TTN: variants seen among roughly 807,000 people sequenced by gnomAD.
The protein encoded by TTN is connectin.
Under a neutral mutation model 3,223.0 loss-of-function variants are expected in TTN, and 1,525 were observed. That is an observed-to-expected ratio of 0.47 (90% CI 0.45 to 0.49). The LOEUF is 0.49. TTN is among the 20% of genes least tolerant of loss of function. TTN has a pLI of 0.00. For synonymous variants in TTN, 14,094 were observed against 15,161.0 expected (o/e 0.93, Z 5.17); for missense variants, 40,786 against 43,424.0 (o/e 0.94, Z 5.40).
chr2:178,671,237 G>A (rs912034332), intron 155 of TTN, 67 bp from the exon 156 acceptor site: 25 of 1,169,266 alleles, frequency 2.1e-5, no homozygotes, highest in Admixed American at 6.3e-5. Context: ...TACTACTAAC[G>A]TTAGTACAAT....
At position 178,675,072 on chromosome 2, in the gene TTN, G is replaced by T; in HGVS notation, c.34579C>A (p.Leu11527Ile). ...GGTAGAACTTCCTCTTCTTTAGGGA[G>T]AATGATTCGTTTTTCTTCCACCTTC... ...PKKVEEKRII[L>I]PKEEEVLPVE... Residue 11527 changes from leucine to isoleucine, a missense_variant, in exon 150 of 363, where the codon CTC becomes ATC. Coordinates refer to ENST00000589042, the MANE Select transcript of TTN (RefSeq NM_001267550.2). 6.4e-7 allele frequency: 1 copy of T among 1,555,064 alleles called. No individual in the cohort carries two copies. Among genetic ancestry groups the T allele is most frequent in the Non-Finnish European group, 8.6e-7 (1 of 1,157,088 alleles).
At chr2:178,632,087 A>G in intron 236 of TTN, 60 bp downstream of exon 236, 7 of 1,475,710 alleles carry the variant, frequency 4.7e-6, no homozygotes, top group Non-Finnish European at 6.3e-6. Flanking sequence ...TATAGAATAG[A>G]TACTCCACAA....
In TTN at chr2:178,738,117, C is replaced by T; in HGVS notation, c.14336G>A (p.Gly4779Asp). The change falls in exon 49 of 363, where the codon GGC becomes GAC. Residue 4779 changes from glycine (G) to aspartate (D), a missense_variant. By Grantham distance (94) the Gly-to-Asp change is moderately conservative. Transcript: ENST00000589042. ...EYTCKASNEY[G>D]SVSCTATLTV... ...TAGTGTGGCTGTACAGCTGACACTG[C>T]CATACTCATTGGAAGCTTTGCATGT... 6.2e-7 allele frequency: 1 copy of T among 1,613,760 alleles called. No individual in the cohort carries two copies.
rs753485630 is a variant in TTN at position 178,732,622 on chromosome 2, G to T, written c.16439C>A (p.Thr5480Lys). The change falls in exon 56 of 363, where the codon ACA becomes AAA. Residue 5480 changes from threonine to lysine, a missense_variant. Coordinates refer to ENST00000589042, the MANE Select transcript of TTN (RefSeq NM_001267550.2). ...TTTGTTGCCCTTAAACCATCTGATT[G>T]TGAGAGGAGTAGATCCTTGGAAAGT... The part of the protein sequence containing the change: ...KSTFQGSTPL[T>K]IRWFKGNKEL... 8 of 1,613,548 alleles carry T rather than the reference G, an allele frequency of 5.0e-6. No individual in the cohort carries two copies. In the East Asian group the frequency reaches 1.3e-4, roughly 27 times the overall value.
At position 178,655,269 on chromosome 2, in the gene TTN, T is replaced by C. The variant is rs1229563734; in HGVS notation, c.38039-274A>G. 5.7e-5 allele frequency among the ~76,000 whole-genome samples: 8 copies of C among 139,560 alleles called. 2 individuals carry two copies. Among genetic ancestry groups the C allele is most frequent in the Non-Finnish European group, 1.2e-4 (8 of 66,998 alleles). The allele number at this position is 139,560 out of a possible 152,430, so 91.6% of individuals were successfully genotyped here. A position where few individuals can be genotyped will look rare whatever the true frequency, so the allele number is the denominator to read the frequency against. On this transcript the variant is annotated intron_variant, in intron 189 of 362. Coordinates refer to ENST00000589042, the MANE Select transcript of TTN (RefSeq NM_001267550.2). Reference sequence around the variant, plus strand: ...TAAAGACTCTCAATAAATTAGGTATTGATGGGACATATCTCAAAATAATAA... The same window carrying C: ...TAAAGACTCTCAATAAATTAGGTATCGATGGGACATATCTCAAAATAATAA...
intron 116 of TTN, 59 bp from the exon 117 acceptor site, chr2:178,694,735 TA>T: frequency 6.7e-7 from 1 of 1,502,770 alleles, no homozygotes; most frequent in Non-Finnish European, 9.0e-7. Flanking sequence ...GCACAAAATT[TA>T]AAAGTATTTG....
chr2:178,733,710 T>A lies in TTN; in HGVS notation c.15679A>T (p.Ile5227Phe). The change falls in exon 53 of 363, where the codon ATC becomes TTC. Residue 5227 changes from isoleucine (I) to phenylalanine (F), a missense_variant. Transcript: ENST00000589042. ...SFSNGVAVLI[I>F]PDVQISFGGK... Reference sequence around the variant, plus strand: ...CCAAAACTAATCTGAACATCAGGGATTATCAAGACTGCAACACCATTGGAA... The same window carrying A: ...CCAAAACTAATCTGAACATCAGGGAATATCAAGACTGCAACACCATTGGAA... The A allele has an allele frequency of 6.2e-7, 1 of 1,613,880 alleles. No individual in the cohort carries two copies. Among genetic ancestry groups the A allele is most frequent in the East Asian group, 2.2e-5 (1 of 44,870 alleles).
intron 166 of TTN, 48 bp from the exon 167 acceptor site, chr2:178,664,785 G>A (rs1409752107): frequency 2.5e-6 from 4 of 1,610,028 alleles, no homozygotes; most frequent in Non-Finnish European, 3.4e-6. Flanking sequence ...AGATAACTAG[G>A]AATAGCAAAA....
In TTN at chr2:178,620,871, T is replaced by C. The variant is rs373857517; in HGVS notation, c.45739A>G (p.Ile15247Val). Reference sequence around the variant, plus strand: ...ATGATGTATTTTGAACTATCAAATATAGCTTCTTCATTTCTGAACCATTTG... The same window carrying C: ...ATGATGTATTTTGAACTATCAAATACAGCTTCTTCATTTCTGAACCATTTG... ...KAKWFRNEEA[I>V]FDSSKYIILQ... Residue 15247 changes from isoleucine to valine, a missense_variant, in exon 247 of 363, where the codon ATA (isoleucine) becomes GTA (valine). Transcript: ENST00000589042. 4 of 1,612,508 alleles carry C rather than the reference T, an allele frequency of 2.5e-6. No homozygotes were observed. In the African/African-American group the frequency reaches 5.3e-5, roughly 22 times the overall value.
At chr2:178,744,862 G>C (rs1448914782) in intron 47 of TTN, 2 of 985,024 alleles carry the variant, frequency 2.0e-6, no homozygotes, top group Admixed American at 1.2e-4. Flanking sequence ...AAAGTGGAAA[G>C]ATCTATTTGC....
At chr2:178,622,636 G>T in intron 243 of TTN, 34 bp downstream of exon 243, 1 of 1,520,790 alleles carries the variant, frequency 6.6e-7, no homozygotes, top group South Asian at 1.2e-5. Context: ...AAAGTTATTT[G>T]ACAGTACAAG....
Position 178,728,704 on chromosome 2 carries a change from C to T in TTN, c.19222G>A (p.Val6408Met), listed in dbSNP as rs2154306642. The T allele has an allele frequency of 6.2e-7, 1 of 1,613,192 alleles. No individual in the cohort carries two copies. Residue 6408 changes from valine to methionine, a missense_variant, in exon 66 of 363, where the codon GTG (valine) becomes ATG (methionine). Coordinates refer to ENST00000589042, the MANE Select transcript of TTN (RefSeq NM_001267550.2). ...EKDPMTLECV[V>M]AGTPELKVKW... ...ACTTTGAGTTCTGGTGTTCCAGCCA[C>T]AACACATTCCAAGGTCATGGGATCT...
chr2:178,753,130 T>C lies in TTN; in HGVS notation c.11305A>G (p.Met3769Val), dbSNP rs757156412. 13 of 1,609,390 alleles carry C rather than the reference T, an allele frequency of 8.1e-6. No homozygotes were observed. The highest frequency in any genetic ancestry group is 1.7e-4 in the Middle Eastern group (1 of 6,040). ...ERIEQEIEME[M>V]KEFSSSFLSA... Reference sequence around the variant, plus strand: ...ACATCCATTATAACAATACCTTTCATTTCCATCTCAATCTCTTGTTCAATC... The same window carrying C: ...ACATCCATTATAACAATACCTTTCACTTCCATCTCAATCTCTTGTTCAATC... The change falls in exon 47 of 363, where the codon ATG becomes GTG. Residue 3769 changes from methionine (M) to valine (V), a missense_variant. Coordinates refer to ENST00000589042, the MANE Select transcript of TTN (RefSeq NM_001267550.2).
Position 178,614,695 on chromosome 2 carries a change from C to T in TTN, c.48819G>A (p.Gly16273=), listed in dbSNP as rs2056976661. 8.1e-6 allele frequency: 13 copies of T among 1,612,040 alleles called. No individual in the cohort carries two copies. The highest frequency in any genetic ancestry group is 1.0e-5 in the Non-Finnish European group (12 of 1,178,956). Residue 16273 remains glycine (G), a synonymous_variant, in exon 261 of 363, where the codon GGG becomes GGA. Coordinates refer to ENST00000589042, the MANE Select transcript of TTN (RefSeq NM_001267550.2). ...KLLAGLTVKA[G]TKIELPATVT... is the part of the protein sequence containing the mutation. ...CGGTGGCAGGAAGTTCAATCTTGGT[C>T]CCAGCTTTTACAGTGAGACCAGCAA...
intron 149 of TTN, 99 bp downstream of exon 149, chr2:178,675,572 G>C: frequency 1.1e-6 from 1 of 939,576 alleles, no homozygotes; most frequent in Non-Finnish European, 1.4e-6. Context: ...GTGAATGACA[G>C]ACCATACAAT....
In TTN at chr2:178,734,799, G is replaced by C; in HGVS notation, c.15125C>G (p.Thr5042Arg). 1 of 1,613,746 alleles carries C rather than the reference G, an allele frequency of 6.2e-7. No homozygotes were observed. Among genetic ancestry groups the C allele is most frequent in the Non-Finnish European group, 8.5e-7 (1 of 1,179,768 alleles). The part of the protein sequence containing the change: ...FVNSEAILDI[T>R]DVKVEDSGSY... ...CCCACTGTCTTCAACTTTTACATCCGTAATATCAAGTATAGCCTCAGAATT... is the reference window on the plus strand; with the variant it reads ...CCCACTGTCTTCAACTTTTACATCCCTAATATCAAGTATAGCCTCAGAATT... The change falls in exon 51 of 363, where the codon ACG becomes AGG. Residue 5042 changes from threonine to arginine, a missense_variant. Thr to Arg is a moderately conservative substitution (Grantham distance 71). Transcript: ENST00000589042.
At position 178,791,661 on chromosome 2, in the gene TTN, A is replaced by ATGTGTGTG. The variant is rs1249000350; in HGVS notation, c.1662+410_1662+411insCACACACA. On this transcript the variant is annotated intron_variant, in intron 10 of 362. Transcript: ENST00000589042. ...GGGTGTTTATGGCTGATGTATGTGTATATGTGTGTGTGTGTGTGTGTGTGT... is the reference window on the plus strand; with the variant it reads ...GGGTGTTTATGGCTGATGTATGTGTATGTGTGTGTATGTGTGTGTGTGTGTGTGTGTGT... Among the ~76,000 whole-genome samples the ATGTGTGTG allele has an allele frequency of 1.1e-3, 106 of 95,914 alleles. 3 individuals carry two copies. In the South Asian group the frequency reaches 0.03, roughly 27 times the overall value. 62.9% of individuals were successfully genotyped at this position (95,914 alleles called of 152,430 possible).
In TTN at chr2:178,632,520, A is replaced by G. The variant is rs1246069701; in HGVS notation, c.43480+6T>C. The G allele has an allele frequency of 1.2e-5, 19 of 1,611,590 alleles. No homozygotes were observed. The highest frequency in any genetic ancestry group is 8.4e-5 in the Admixed American group (5 of 59,654). On this transcript the variant is annotated splice_donor_region_variant and intron_variant, in intron 235 of 362. Coordinates refer to ENST00000589042, the MANE Select transcript of TTN (RefSeq NM_001267550.2). ...TTGGGGTGGACTATTTGATAAAACT[A>G]TTTACCTTCAATGATCAGTTTGCCA... is the stretch of plus-strand genomic sequence containing the variant.
rs771434062 is a variant in TTN, at chr2:178,719,426, G to T, written c.23964C>A (p.Ile7988=). Residue 7988 remains isoleucine (I), a synonymous_variant, in exon 83 of 363, where the codon ATC becomes ATA. Coordinates refer to ENST00000589042, the MANE Select transcript of TTN (RefSeq NM_001267550.2). Reference sequence around the variant, plus strand: ...TGGCATTCACGTCTTTCAGCTTGCGGATGAAGGAAGGAGGCACAATCCGAT... The same window carrying T: ...TGGCATTCACGTCTTTCAGCTTGCGTATGAAGGAAGGAGGCACAATCCGAT... ...VSDRIVPPSF[I]RKLKDVNAIL... 4 of 1,612,806 alleles carry T rather than the reference G, an allele frequency of 2.5e-6. No individual in the cohort carries two copies. The highest frequency in any genetic ancestry group is 3.4e-6 in the Non-Finnish European group (4 of 1,179,128).
Sources: gnomAD v4.1 joint callset for allele counts (sites outside exome capture counted in the v4.1 genomes callset) on GRCh38, gnomAD v4.1.1 for gene constraint, MANE v1.5 for transcripts, NCBI Gene and HGNC (gene_info 2026-07-23, HGNC 2026-07-21) for gene names.